Variants in CCDC159 observed in about 807,000 individuals in gnomAD.
CCDC159 encodes coiled-coil domain containing 159, also known as coiled-coil domain-containing protein 159.
CCDC159 carries 40 observed loss-of-function variants against 50.9 expected under a neutral mutation model. The ratio of observed to expected loss-of-function variants is 0.79; its 90% CI spans 0.61 to 1.02. The LOEUF is 1.02. CCDC159 is among the 50% of genes least tolerant of loss of function. The pLI is 0.00. For synonymous variants in CCDC159, 146 were observed against 138.9 expected (o/e 1.05, Z -0.36); for missense variants, 356 against 371.5 (o/e 0.96, Z 0.34).
intron 8 of CCDC159, 24 bp downstream of exon 8, chr19:11,353,596 C>T: frequency 6.2e-7 from 1 of 1,608,310 alleles, no homozygotes; most frequent in Non-Finnish European, 8.5e-7. Context: ...TGCAGTCTGA[C>T]CCCTGACCCT....
Position 11,350,022 on chromosome 19 carries a change from C to A in CCDC159, c.140C>A (p.Thr47Asn), listed in dbSNP as rs1470306412. ...ESLKSQLQAQ[T>N]KAFEFLNHSV... is the part of the protein sequence containing the mutation. ...CTCAAGAGCCAGTTACAGGCCCAGACCAAGGTGAACCACCTTGGCCCTGCC... is the reference window on the plus strand; with the variant it reads ...CTCAAGAGCCAGTTACAGGCCCAGAACAAGGTGAACCACCTTGGCCCTGCC... The change falls in exon 3 of 11, where the codon ACC (threonine) becomes AAC (asparagine). Residue 47 changes from threonine to asparagine, a missense_variant. By Grantham distance (65) the Thr-to-Asn change is moderately conservative. Transcript: ENST00000458408. 3.1e-6 allele frequency: 5 copies of A among 1,613,582 alleles called. No individual in the cohort carries two copies. In the Admixed American group the frequency reaches 8.3e-5, roughly 27 times the overall value.
At chr19:11,353,712 C>T in intron 8 of CCDC159, 80 bp from the exon 9 acceptor site, 2 of 1,541,540 alleles carry the variant, frequency 1.3e-6, no homozygotes, top group Non-Finnish European at 1.8e-6. Context: ...CACCACGGCC[C>T]CCAACCTTAG....
Position 11,354,858 on chromosome 19 carries a change from CCT to C in CCDC159, c.890-7_890-6del, listed in dbSNP as rs750496064. On this transcript the variant is annotated splice_polypyrimidine_tract_variant and intron_variant, in intron 10 of 10. Transcript: ENST00000458408. ...TGGACCTGGCCAGGCCCTGACCCAC[CCT>C]CTCTCTCCACAGCTTGAGCAGCCGG... is the stretch of plus-strand genomic sequence containing the variant. 8 of 1,613,306 alleles carry C rather than the reference CCT, an allele frequency of 5.0e-6. No individual in the cohort carries two copies. The Admixed American group carries it at 1.3e-4, about 27-fold the overall frequency.
At position 11,353,497 on chromosome 19, in the gene CCDC159, C is replaced by T. The variant is rs201956112; in HGVS notation, c.614C>T (p.Pro205Leu). 28 of 1,609,280 alleles carry T rather than the reference C, an allele frequency of 1.7e-5. No individual in the cohort carries two copies. The highest frequency in any genetic ancestry group is 9.3e-5 in the African/African-American group (7 of 74,870). The change falls in exon 8 of 11, where the codon CCG becomes CTG. Residue 205 changes from proline (P) to leucine (L), a missense_variant. Physicochemically the swap from Pro to Leu is moderately conservative, Grantham distance 98 (BLOSUM62 -3). Coordinates refer to ENST00000458408, the MANE Select transcript of CCDC159 (RefSeq NM_001080503.3). ...CAGGGTCATGAGACAGCCGCCTGTC[C>T]GGAGACTGAAGAGATACCGCAGGGA... ...KQQGHETAAC[P>L]ETEEIPQGAS... is the part of the protein sequence containing the mutation.
intron 1 of CCDC159, chr19:11,349,144 G>C: frequency 1.5e-6 from 2 of 1,352,250 alleles, no homozygotes; most frequent in Non-Finnish European, 2.0e-6. Context: ...ACCTGCAGAA[G>C]CAGTGCTGTA....
chr19:11,349,914 G>A, intron 2 of CCDC159, 24 bp from the exon 3 acceptor site: 1 of 1,611,392 alleles, frequency 6.2e-7, no homozygotes, highest in Non-Finnish European at 8.5e-7. Context: ...TACAGCCCTG[G>A]CTCACCCTCT....
intron 5 of CCDC159, 84 bp from the exon 6 acceptor site, chr19:11,351,822 G>A (rs1014138999): frequency 8.1e-6 from 10 of 1,233,240 alleles, no homozygotes; most frequent in Admixed American, 4.0e-5. Context: ...CAGAGCTTGC[G>A]GGGATGGGTG....
Position 11,351,776 on chromosome 19 carries a change from G to A in CCDC159, c.423-130G>A, listed in dbSNP as rs146015810. 670 of 718,130 alleles carry A rather than the reference G, an allele frequency of 9.3e-4. 7 individuals are homozygous for A. The highest frequency in any genetic ancestry group is 6.1e-3 in the Middle Eastern group (16 of 2,616). The allele number at this position is 718,130 out of a possible 1,614,324, so 44.5% of individuals were successfully genotyped here. A position where few individuals can be genotyped will look rare whatever the true frequency, so the allele number is the denominator to read the frequency against. Reference sequence around the variant, plus strand: ...GATGAGGGTAGGGGGATTGTAGAAGGGGAGGGGAAAAGGGCAGGGAAGTGT... The same window carrying A: ...GATGAGGGTAGGGGGATTGTAGAAGAGGAGGGGAAAAGGGCAGGGAAGTGT... On this transcript the variant is annotated intron_variant, in intron 5 of 10. Coordinates refer to ENST00000458408, the MANE Select transcript of CCDC159 (RefSeq NM_001080503.3).
rs1444652174 is a variant in CCDC159 at position 11,350,196 on chromosome 19, G to A, written c.223G>A (p.Glu75Lys). ...GCAGCAAATCAAGATTCAGCAGCTT[G>A]AAGGTGAGGACTGACCAGAGATCAA... ...CLQQIKIQQL[E>K]EVLSPTGRQG... Residue 75 changes from glutamate to lysine, a missense_variant, in exon 4 of 11, where the codon GAA becomes AAA. Glu to Lys is a moderately conservative substitution (Grantham distance 56). Coordinates refer to ENST00000458408, the MANE Select transcript of CCDC159 (RefSeq NM_001080503.3). 1 of 1,609,506 alleles carries A rather than the reference G, an allele frequency of 6.2e-7. No individual in the cohort carries two copies. Among genetic ancestry groups the A allele is most frequent in the East Asian group, 2.2e-5 (1 of 44,792 alleles).
In CCDC159 at chr19:11,350,006, C is replaced by T. The variant is rs1261238315; in HGVS notation, c.124C>T (p.Gln42Ter). The stretch of plus-strand genomic sequence containing the variant: ...ATGTGAACTTGAGTCACTCAAGAGC[C>T]AGTTACAGGCCCAGACCAAGGTGAA... ...LRCELESLKS[Q>*]LQAQTKAFEF... is the part of the protein sequence containing the mutation. Residue 42 changes from glutamine (Q) to a stop codon, truncating the protein, a stop_gained, in exon 3 of 11, where the codon CAG becomes TAG. Coordinates refer to ENST00000458408, the MANE Select transcript of CCDC159 (RefSeq NM_001080503.3). LOFTEE classifies it high-confidence loss of function. 3 of 1,613,714 alleles carry T rather than the reference C, an allele frequency of 1.9e-6. No homozygotes were observed. Among genetic ancestry groups the T allele is most frequent in the African/African-American group, 2.7e-5 (2 of 74,900 alleles).
chr19:11,352,219 C>T, intron 7 of CCDC159, 86 bp downstream of exon 7: 1 of 1,371,848 alleles, frequency 7.3e-7, no homozygotes, highest in South Asian at 1.2e-5. Context: ...AGATTGGAGC[C>T]TGGGTTCAAA....
Position 11,350,124 on chromosome 19 carries a change from G to C in CCDC159, c.151G>C (p.Glu51Gln). 1.9e-6 allele frequency: 3 copies of C among 1,613,442 alleles called. No homozygotes were observed. Among genetic ancestry groups the C allele is most frequent in the Non-Finnish European group, 2.5e-6 (3 of 1,179,748 alleles). Residue 51 changes from glutamate to glutamine, a missense_variant, in exon 4 of 11, where the codon GAG (glutamate) becomes CAG (glutamine). Coordinates refer to ENST00000458408, the MANE Select transcript of CCDC159 (RefSeq NM_001080503.3). ...GCTGACCTCTTTCCCCCAGGCTTTCGAGTTCCTGAACCACTCAGTGACCAT... is the reference window on the plus strand; with the variant it reads ...GCTGACCTCTTTCCCCCAGGCTTTCCAGTTCCTGAACCACTCAGTGACCAT... The part of the protein sequence containing the change: ...SQLQAQTKAF[E>Q]FLNHSVTMLE...
chr19:11,346,653 C>T (rs1223459054), intron 1 of CCDC159, 26 bp downstream of exon 1: 1 of 1,550,324 alleles, frequency 6.5e-7, no homozygotes, highest in Non-Finnish European at 8.7e-7. Flanking sequence ...GGTTCTGGAG[C>T]CTGGCGGGTG....
rs750024471 is a variant in CCDC159 at position 11,350,143 on chromosome 19, T to G, written c.170T>G (p.Val57Gly). Residue 57 changes from valine to glycine, a missense_variant, in exon 4 of 11, where the codon GTG becomes GGG. Val to Gly is a moderately radical substitution (Grantham distance 109). Transcript: ENST00000458408. ...GCTTTCGAGTTCCTGAACCACTCAG[T>G]GACCATGTTGGAGAAGGAGAGCTGC... is the stretch of plus-strand genomic sequence containing the variant. Reference protein sequence around the residue: ...TKAFEFLNHSVTMLEKESCLQ... With the variant: ...TKAFEFLNHSGTMLEKESCLQ... 26 of 1,613,416 alleles carry G rather than the reference T, an allele frequency of 1.6e-5. No homozygotes were observed. The South Asian group carries it at 2.5e-4, about 16-fold the overall frequency.
intron 1 of CCDC159, chr19:11,348,638 C>T: frequency 2.3e-6 from 1 of 431,184 alleles, no homozygotes; most frequent in Admixed American, 2.5e-5. Flanking sequence ...CCTACCATAA[C>T]TGAGAAGCCT....
intron 1 of CCDC159, among the ~76,000 whole-genome samples, chr19:11,347,900 G>C (rs778152147): frequency 1.3e-5 from 2 of 152,206 alleles, no homozygotes; most frequent in Non-Finnish European, 2.9e-5. Flanking sequence ...CTTCTAGCAC[G>C]GGTCTGGGCC....
chr19:11,349,584 A>G lies in CCDC159; in HGVS notation c.22-70A>G, dbSNP rs569876056. 47 of 1,592,474 alleles carry G rather than the reference A, an allele frequency of 3.0e-5. No homozygotes were observed. The African/African-American group carries it at 5.5e-4, about 19-fold the overall frequency. On this transcript the variant is annotated intron_variant, in intron 1 of 10. Coordinates refer to ENST00000458408, the MANE Select transcript of CCDC159 (RefSeq NM_001080503.3). ...ATCCAACTCTTGTCCAGCCCTCAAA[A>G]CTGGGTTGAGGTGAGCAAGGAGGCA... is the stretch of plus-strand genomic sequence containing the variant.
intron 4 of CCDC159, among the ~76,000 whole-genome samples, 151 bp downstream of exon 4, chr19:11,350,350 C>CT (rs1195071746): frequency 8.2e-6 from 1 of 121,486 alleles, no homozygotes; most frequent in Non-Finnish European, 1.7e-5. Flanking sequence ...CCCATATCTA[C>CT]TTAAAAAAAA....
chr19:11,349,033 G>C (rs59307446), intron 1 of CCDC159: 1 of 1,341,272 alleles, frequency 7.5e-7, no homozygotes, highest in Non-Finnish European at 9.8e-7. Flanking sequence ...CAGAGACCTT[G>C]GGATGCCCTG....
Sources: allele counts gnomAD v4.1 joint callset (sites outside exome capture counted in the v4.1 genomes callset), GRCh38; gene constraint gnomAD v4.1.1; transcripts MANE v1.5; gene names NCBI Gene and HGNC (gene_info 2026-07-23, HGNC 2026-07-21).